The following A1CF variants were observed in gnomAD, a reference collection of about 807,000 sequenced individuals.
A1CF encodes the protein APOBEC-1 stimulating protein.
Under a neutral mutation model 68.9 loss-of-function variants are expected in A1CF, and 48 were observed. The observed-to-expected ratio is 0.70, with a 90% CI of 0.55 to 0.89. The LOEUF (loss-of-function observed/expected upper bound fraction) is 0.89. Ranked by LOEUF, A1CF falls within the 40% of genes least tolerant of loss-of-function variation. The pLI is 0.00. For missense variants in A1CF, 653 were observed against 718.9 expected, an observed-to-expected ratio of 0.91 and a Z score of 1.05; for synonymous variants, 272 against 260.4, an observed-to-expected ratio of 1.04 and a Z score of -0.43.
At chr10:50,837,941 GAC>G (rs1048039011) in intron 5 of A1CF, among the ~76,000 whole-genome samples, 15 of 152,278 alleles carry the variant, frequency 9.9e-5, no homozygotes, top group African/African-American at 3.6e-4. Context: ...AATCTGGAAA[GAC>G]AATAAAATAT....
intron 9 of A1CF, 75 bp downstream of exon 9, chr10:50,815,931 T>C (rs1488900578): frequency 6.6e-7 from 1 of 1,512,330 alleles, no homozygotes; most frequent in Non-Finnish European, 9.0e-7. Flanking sequence ...ACCCATCCAA[T>C]GTATCTAAGG....
intron 1 of A1CF, among the ~76,000 whole-genome samples, chr10:50,874,481 A>G (rs1045435339): frequency 2.6e-5 from 4 of 152,206 alleles, no homozygotes; most frequent in Admixed American, 1.3e-4. Flanking sequence ...CTTGAACTAT[A>G]AATGACACAA....
chr10:50,825,439 T>C (rs1019486278), intron 7 of A1CF, among the ~76,000 whole-genome samples: 25 of 152,138 alleles, frequency 1.6e-4, no homozygotes, highest in African/African-American at 6.0e-4. Context: ...CTTGGAGAAT[T>C]TCAAAGCATG....
At chr10:50,828,931 C>T (rs1454591149) in intron 6 of A1CF, among the ~76,000 whole-genome samples, 3 of 152,020 alleles carry the variant, frequency 2.0e-5, no homozygotes, top group Non-Finnish European at 4.4e-5. Flanking sequence ...TCAAAAAGTC[C>T]TAATTAAGAA....
At chr10:50,856,365 T>C (rs1294876566) in intron 3 of A1CF, among the ~76,000 whole-genome samples, 2 of 152,074 alleles carry the variant, frequency 1.3e-5, no homozygotes, top group Non-Finnish European at 2.9e-5. Context: ...TTGAGTTATA[T>C]AGGTATTTAC....
chr10:50,876,639 G>A (rs1230484411), intron 1 of A1CF, among the ~76,000 whole-genome samples: 3 of 152,134 alleles, frequency 2.0e-5, no homozygotes, highest in Non-Finnish European at 4.4e-5. Flanking sequence ...TAACCTGATG[G>A]CTTCTGGACT....
intron 1 of A1CF, among the ~76,000 whole-genome samples, chr10:50,864,585 C>T (rs1840893286): frequency 6.6e-6 from 1 of 152,106 alleles, no homozygotes. Context: ...GTATCCTCAC[C>T]ACCAAACCTG....
chr10:50,842,113 G>T (rs1845022238), intron 4 of A1CF, 121 bp from the exon 5 acceptor site: 1 of 887,618 alleles, frequency 1.1e-6, no homozygotes, highest in Non-Finnish European at 1.7e-6. Context: ...TTTGCCTCCT[G>T]CCAGTACTAT....
At chr10:50,862,503 T>G (rs563797323) in intron 2 of A1CF, among the ~76,000 whole-genome samples, 4 of 152,212 alleles carry the variant, frequency 2.6e-5, no homozygotes, top group African/African-American at 4.8e-5. Context: ...CCTTCACCTT[T>G]CTGATGGTTC....
intron 1 of A1CF, among the ~76,000 whole-genome samples, chr10:50,871,189 T>C (rs1841251081): frequency 1.3e-5 from 2 of 151,836 alleles, no homozygotes; most frequent in African/African-American, 4.8e-5. Context: ...ATCAACTATA[T>C]AATATGATTG....
chr10:50,857,645 C>T (rs971500055), intron 3 of A1CF, among the ~76,000 whole-genome samples: 16 of 152,160 alleles, frequency 1.1e-4, no homozygotes, highest in African/African-American at 3.9e-4. Context: ...GATGTGTATT[C>T]CCTGCCTTTG....
At chr10:50,816,486 G>T in intron 8 of A1CF, 1 of 572,246 alleles carries the variant, frequency 1.7e-6, no homozygotes, top group Non-Finnish European at 3.1e-6. Flanking sequence ...GATGCCAACA[G>T]GTTTGACAGT....
chr10:50,873,376 G>A (rs1841364314), intron 1 of A1CF, among the ~76,000 whole-genome samples: 1 of 152,124 alleles, frequency 6.6e-6, no homozygotes, highest in Non-Finnish European at 1.5e-5. Flanking sequence ...TGCAATGGAG[G>A]TAATCAAAGC....
In A1CF at chr10:50,854,446, G is replaced by A. The variant is rs146718637; in HGVS notation, c.99+5396C>T. 5.8e-3 allele frequency among the ~76,000 whole-genome samples: 876 copies of A among 151,822 alleles called. 5 individuals are homozygous for A. Among genetic ancestry groups the A allele is most frequent in the Middle Eastern group, 0.014 (4 of 292 alleles). On this transcript the variant is annotated intron_variant, in intron 3 of 12. Coordinates refer to ENST00000373997, the MANE Select transcript of A1CF (RefSeq NM_014576.4). ...CCATTAATATTACATTGGATATTTA[G>A]GATATGTTTAAGTTTAAATTTCTAA... is the stretch of plus-strand genomic sequence containing the variant.
intron 1 of A1CF, among the ~76,000 whole-genome samples, chr10:50,878,728 A>G (rs1186228961): frequency 1.3e-5 from 2 of 152,216 alleles, no homozygotes; most frequent in African/African-American, 4.8e-5. Flanking sequence ...TTTTTCTCTT[A>G]AAATATCTTA....
chr10:50,858,278 GAA>G (rs1239777491), intron 3 of A1CF, among the ~76,000 whole-genome samples: 1 of 151,780 alleles, frequency 6.6e-6, no homozygotes, highest in East Asian at 1.9e-4. Context: ...AACGTTACCA[GAA>G]AAGTTATGAG....
rs1564493756 is a variant in A1CF, at chr10:50,811,158, G to A, written c.1342C>T (p.Gln448Ter). Residue 448 changes from glutamine to a stop codon, truncating the protein, a stop_gained, in exon 11 of 13, where the codon CAG (glutamine) becomes TAG (stop). Coordinates refer to ENST00000373997, the MANE Select transcript of A1CF (RefSeq NM_014576.4). LOFTEE classifies it high-confidence loss of function. ...LAPQILEEIC[Q>*]KNNWGQPVYQ... ...ACTGGCTGTCCCCAGTTATTTTTCT[G>A]ACAAATCTCTTCTAATATCTACAAG... The A allele has an allele frequency of 6.2e-7, 1 of 1,612,190 alleles. No homozygotes were observed.
At chr10:50,810,739 C>T (rs111821948) in intron 11 of A1CF, among the ~76,000 whole-genome samples, 3 of 152,100 alleles carry the variant, frequency 2.0e-5, no homozygotes, top group African/African-American at 4.8e-5. Context: ...CTCAAACTCC[C>T]GACCTCAAGT....
rs970933674 is a variant in A1CF at position 50,841,961 on chromosome 10, A to G, written c.266T>C (p.Met89Thr). 5 of 1,608,250 alleles carry G rather than the reference A, an allele frequency of 3.1e-6. No homozygotes were observed. Among genetic ancestry groups the G allele is most frequent in the Admixed American group, 1.7e-5 (1 of 59,720 alleles). The change falls in exon 5 of 13, where the codon ATG becomes ACG. Residue 89 changes from methionine to threonine, a missense_variant. Met to Thr is a moderately conservative substitution (Grantham distance 81, BLOSUM62 -1). Coordinates refer to ENST00000373997, the MANE Select transcript of A1CF (RefSeq NM_014576.4). ...IGKIYEMRMM[M>T]DFNGNNRGYA... ...TCCTCTATTGTTGCCATTAAAATCC[A>G]TCATCATTCTCATTTCATAAATTTT... is the stretch of plus-strand genomic sequence containing the variant.
Sources: gnomAD v4.1 joint callset for allele counts (sites outside exome capture counted in the v4.1 genomes callset) on GRCh38, gnomAD v4.1.1 for gene constraint, MANE v1.5 for transcripts, NCBI Gene and HGNC (gene_info 2026-07-23, HGNC 2026-07-21) for gene names.